KIAA0232: variants seen among roughly 807,000 people sequenced by gnomAD.
KIAA0232 encodes uncharacterized protein KIAA0232.
Under a neutral mutation model 122.0 loss-of-function variants are expected in KIAA0232, and 27 were observed. The observed-to-expected ratio is 0.22, with a 90% CI of 0.16 to 0.31. The LOEUF (loss-of-function observed/expected upper bound fraction) is 0.31. KIAA0232 is among the 10% of genes least tolerant of loss of function. KIAA0232 has a pLI of 1.00. For missense variants in KIAA0232, 1,551 were observed against 1,634.2 expected, an observed-to-expected ratio of 0.95 and a Z score of 0.88; for synonymous variants, 613 against 587.6, an observed-to-expected ratio of 1.04 and a Z score of -0.63.
At chr4:6,851,183 C>T (rs999552191) in intron 4 of KIAA0232, among the ~76,000 whole-genome samples, 2 of 152,146 alleles carry the variant, frequency 1.3e-5, no homozygotes, top group East Asian at 1.9e-4. Flanking sequence ...CATTAGTGGC[C>T]TCCTTAAGAG....
chr4:6,805,130 A>G (rs1319669676), intron 2 of KIAA0232, among the ~76,000 whole-genome samples: 1 of 152,240 alleles, frequency 6.6e-6, no homozygotes, highest in Admixed American at 6.5e-5. Flanking sequence ...CTGTGTAGCA[A>G]GTTATCCTTT....
At position 6,880,900 on chromosome 4, in the gene KIAA0232, C is replaced by T; in HGVS notation, c.4122C>T (p.Gly1374=). 6.2e-7 allele frequency: 1 copy of T among 1,607,424 alleles called. No individual in the cohort carries two copies. The highest frequency in any genetic ancestry group is 8.5e-7 in the Non-Finnish European group (1 of 1,176,708). Residue 1374 remains glycine (G), a synonymous_variant, in exon 10 of 10, where the codon GGC becomes GGT. Transcript: ENST00000307659. ...SSASSTSEET[G]SEGGGEWVGP... ...CCAGCTCCACCTCGGAAGAGACAGG[C>T]TCAGAAGGCGGAGGCGAGTGGGTGG...
rs559256912 is a variant in KIAA0232 at position 6,795,518 on chromosome 4, A to G, written c.-353-9005A>G. On this transcript the variant is annotated intron_variant, in intron 1 of 9. Transcript: ENST00000307659. Reference sequence around the variant, plus strand: ...CCTTCATTATATTTGGAGTGATATTATTTTGGATATACTGGGTTAAATCAA... The same window carrying G: ...CCTTCATTATATTTGGAGTGATATTGTTTTGGATATACTGGGTTAAATCAA... Among the ~76,000 whole-genome samples, 9 of 152,244 alleles carry G rather than the reference A, an allele frequency of 5.9e-5. No individual in the cohort carries two copies. The East Asian group carries it at 1.5e-3, about 26-fold the overall frequency.
At chr4:6,866,004 C>A (rs1328495837) in intron 7 of KIAA0232, among the ~76,000 whole-genome samples, 1 of 152,160 alleles carries the variant, frequency 6.6e-6, no homozygotes, top group Non-Finnish European at 1.5e-5. Context: ...TTCTAGGAAG[C>A]CCCCAGGCGA....
chr4:6,829,472 A>G (rs894327348), intron 3 of KIAA0232, among the ~76,000 whole-genome samples: 3 of 152,216 alleles, frequency 2.0e-5, no homozygotes, highest in African/African-American at 7.2e-5. Context: ...AGTAGTTGAC[A>G]TTTTACTACA....
chr4:6,848,393 G>A (rs1720089050), intron 4 of KIAA0232, among the ~76,000 whole-genome samples: 1 of 152,158 alleles, frequency 6.6e-6, no homozygotes, highest in Non-Finnish European at 1.5e-5. Context: ...GTAACCAACA[G>A]TGGATCAAAA....
At position 6,862,163 on chromosome 4, in the gene KIAA0232, G is replaced by C; in HGVS notation, c.1781G>C (p.Cys594Ser). The change falls in exon 7 of 10, where the codon TGT becomes TCT. Residue 594 changes from cysteine (C) to serine (S), a missense_variant. Cys to Ser is a moderately radical substitution (Grantham distance 112). Coordinates refer to ENST00000307659, the MANE Select transcript of KIAA0232 (RefSeq NM_014743.3). ...AATCTGGCTCAGTTTTGGGAGTGCT[G>C]TTCATCCAGCTCCGGTGATGCTGAT... is the stretch of plus-strand genomic sequence containing the variant. ...LGNLAQFWEC[C>S]SSSSGDADGE... is the part of the protein sequence containing the mutation. The C allele has an allele frequency of 1.2e-6, 2 of 1,614,186 alleles. No individual in the cohort carries two copies. The highest frequency in any genetic ancestry group is 1.7e-6 in the Non-Finnish European group (2 of 1,180,042).
chr4:6,843,846 A>C (rs1719796117), intron 4 of KIAA0232, among the ~76,000 whole-genome samples: 1 of 151,440 alleles, frequency 6.6e-6, no homozygotes, highest in Non-Finnish European at 1.5e-5. Context: ...TGTATACCTC[A>C]AATAACATGG....
intron 7 of KIAA0232, among the ~76,000 whole-genome samples, chr4:6,868,818 T>G (rs756014924): frequency 1.3e-5 from 2 of 152,116 alleles, no homozygotes; most frequent in Non-Finnish European, 2.9e-5. Context: ...CTTGAATATG[T>G]TTAGTATAAA....
At chr4:6,795,075 TTTG>T (rs1218757596) in intron 1 of KIAA0232, among the ~76,000 whole-genome samples, 2 of 152,044 alleles carry the variant, frequency 1.3e-5, no homozygotes, top group Admixed American at 1.3e-4. Context: ...CATGTTTTGT[TTTG>T]TTTTGTTTTT....
At chr4:6,836,745 T>C (rs1037138450) in intron 3 of KIAA0232, among the ~76,000 whole-genome samples, 12 of 152,162 alleles carry the variant, frequency 7.9e-5, no homozygotes, top group African/African-American at 2.4e-4. Context: ...GGAGCGGTGA[T>C]GACTCTTAAG....
At chr4:6,809,081 G>A (rs1244244603) in intron 2 of KIAA0232, among the ~76,000 whole-genome samples, 1 of 152,210 alleles carries the variant, frequency 6.6e-6, no homozygotes, top group Admixed American at 6.5e-5. Flanking sequence ...GGCTTCTTCA[G>A]GAAGGCAGGG....
intron 1 of KIAA0232, among the ~76,000 whole-genome samples, chr4:6,784,190 C>T (rs1577348241): frequency 6.6e-6 from 1 of 151,576 alleles, no homozygotes; most frequent in South Asian, 2.1e-4. Flanking sequence ...CTAATAATTA[C>T]CTGGGTTGGA....
At position 6,842,106 on chromosome 4, in the gene KIAA0232, A is replaced by G. The variant is rs555271318; in HGVS notation, c.271A>G (p.Lys91Glu). 3.1e-6 allele frequency: 5 copies of G among 1,613,718 alleles called. No homozygotes were observed. The highest frequency in any genetic ancestry group is 3.4e-6 in the Non-Finnish European group (4 of 1,179,906). Residue 91 changes from lysine (K) to glutamate (E), a missense_variant, in exon 4 of 10, where the codon AAG becomes GAG. By Grantham distance (56) the Lys-to-Glu change is moderately conservative (BLOSUM62 1). This residue lies in a region of KIAA0232 where 377 missense variants were observed against 381.7 expected (regional missense o/e 0.99). Coordinates refer to ENST00000307659, the MANE Select transcript of KIAA0232 (RefSeq NM_014743.3). Reference sequence around the variant, plus strand: ...CCTGGGCTGGGAAAAAGGAGCTTATAAGAAATGGGGAAAGAGTAAGAAAAA... The same window carrying G: ...CCTGGGCTGGGAAAAAGGAGCTTATGAGAAATGGGGAAAGAGTAAGAAAAA... ...IFLGWEKGAY[K>E]KWGKSKKKCS...
chr4:6,799,530 T>A (rs1021971542), intron 1 of KIAA0232, among the ~76,000 whole-genome samples: 2 of 151,904 alleles, frequency 1.3e-5, no homozygotes, highest in African/African-American at 4.8e-5. Context: ...AAAACAAACA[T>A]AAAATTCACG....
chr4:6,788,189 C>A (rs1181354214), intron 1 of KIAA0232, among the ~76,000 whole-genome samples: 1 of 152,058 alleles, frequency 6.6e-6, no homozygotes, highest in African/African-American at 2.4e-5. Context: ...TAACGCCTGG[C>A]TAATTTTTTG....
intron 3 of KIAA0232, among the ~76,000 whole-genome samples, chr4:6,830,293 G>C (rs1718896341): frequency 6.6e-6 from 1 of 151,946 alleles, no homozygotes; most frequent in African/African-American, 2.4e-5. Flanking sequence ...AGCATTTACT[G>C]GTTTAAAAAA....
intron 1 of KIAA0232, among the ~76,000 whole-genome samples, chr4:6,792,776 G>C (rs550803276): frequency 6.8e-6 from 1 of 147,478 alleles, no homozygotes; most frequent in Admixed American, 7.0e-5. Flanking sequence ...TGCAAGCTCC[G>C]CCTCCTGGGT....
chr4:6,800,080 TG>T (rs1465633238), intron 1 of KIAA0232, among the ~76,000 whole-genome samples: 1 of 121,284 alleles, frequency 8.2e-6, no homozygotes, highest in East Asian at 2.6e-4. Flanking sequence ...TTTTTTGAGA[TG>T]GAGTCTCACT....
Sources: allele counts gnomAD v4.1 joint callset (sites outside exome capture counted in the v4.1 genomes callset), GRCh38; gene constraint gnomAD v4.1.1; regional missense constraint gnomAD v4.1.1; transcripts MANE v1.5; gene names NCBI Gene and HGNC (gene_info 2026-07-23, HGNC 2026-07-21).